Variants in EHBP1 observed in about 807,000 individuals in gnomAD.
EHBP1 encodes the protein EH domain binding protein 1.
A neutral mutation model predicts 144.0 loss-of-function variants in EHBP1; 55 were observed. That is an observed-to-expected ratio of 0.38 (90% CI 0.31 to 0.48). The LOEUF is 0.48. EHBP1 is among the 20% of genes least tolerant of loss of function. The pLI is 0.98. For missense variants in EHBP1, 1,200 were observed against 1,364.2 expected (o/e 0.88, Z 1.90); for synonymous variants, 469 against 472.7 (o/e 0.99, Z 0.10).
chr2:63,030,944 C>A (rs923844165), intron 19 of EHBP1, among the ~76,000 whole-genome samples: 6 of 151,690 alleles, frequency 4.0e-5, no homozygotes, highest in African/African-American at 1.2e-4. Context: ...CACAGGCATG[C>A]GCCACCACAC....
At chr2:62,968,612 A>G (rs555913523) in intron 14 of EHBP1, among the ~76,000 whole-genome samples, 3 of 152,296 alleles carry the variant, frequency 2.0e-5, no homozygotes, top group South Asian at 2.1e-4. Flanking sequence ...TTTGCAGAAC[A>G]CTTTAACACA....
intron 7 of EHBP1, 101 bp from the exon 8 acceptor site, chr2:62,859,068 A>T: frequency 8.9e-7 from 1 of 1,121,588 alleles, no homozygotes; most frequent in South Asian, 1.9e-5. Context: ...TATTATTTGC[A>T]GGTATTATTC....
intron 10 of EHBP1, among the ~76,000 whole-genome samples, chr2:62,929,841 C>T (rs969445358): frequency 6.6e-6 from 1 of 151,602 alleles, no homozygotes; most frequent in Non-Finnish European, 1.5e-5. Flanking sequence ...AAAAAAAAAA[C>T]TGTTGTAACT....
intron 5 of EHBP1, among the ~76,000 whole-genome samples, chr2:62,817,809 G>T (rs1156996836): frequency 6.6e-6 from 1 of 152,014 alleles, no homozygotes; most frequent in East Asian, 1.9e-4. Context: ...TTTATTATAA[G>T]GTTTGTTACT....
intron 10 of EHBP1, among the ~76,000 whole-genome samples, chr2:62,916,697 A>G (rs1385476071): frequency 4.0e-5 from 6 of 149,986 alleles, no homozygotes; most frequent in Non-Finnish European, 8.9e-5. Flanking sequence ...ATTTTTCCAT[A>G]TATATTTATA....
chr2:62,804,133 T>C (rs1007349902), intron 5 of EHBP1, among the ~76,000 whole-genome samples: 10 of 152,192 alleles, frequency 6.6e-5, no homozygotes, highest in Admixed American at 1.3e-4. Context: ...TGTAAAGATG[T>C]GTCACCACAG....
chr2:62,899,065 A>G (rs1046023955), intron 10 of EHBP1, among the ~76,000 whole-genome samples: 3 of 152,238 alleles, frequency 2.0e-5, no homozygotes, highest in African/African-American at 7.2e-5. Context: ...AGAAAAATGC[A>G]AACTATAAGA....
intron 5 of EHBP1, among the ~76,000 whole-genome samples, chr2:62,790,387 T>C (rs1358909824): frequency 6.6e-6 from 1 of 152,178 alleles, no homozygotes; most frequent in Non-Finnish European, 1.5e-5. Context: ...ATTCCAGCAG[T>C]ACCTGTATCA....
intron 10 of EHBP1, among the ~76,000 whole-genome samples, chr2:62,939,638 A>T (rs1450385747): frequency 6.6e-6 from 1 of 152,128 alleles, no homozygotes; most frequent in African/African-American, 2.4e-5. Context: ...GGAGTTAACC[A>T]TGCAGATATC....
chr2:62,965,309 A>G (rs2058195571), intron 14 of EHBP1, among the ~76,000 whole-genome samples: 1 of 152,178 alleles, frequency 6.6e-6, no homozygotes, highest in Non-Finnish European at 1.5e-5. Context: ...AATGTTTAGC[A>G]AGTTTATTTT....
At chr2:62,903,749 G>C (rs2053586163) in intron 10 of EHBP1, among the ~76,000 whole-genome samples, 1 of 150,938 alleles carries the variant, frequency 6.6e-6, no homozygotes, top group Admixed American at 6.6e-5. Flanking sequence ...CTGGCCAATA[G>C]AGTGAGACCC....
chr2:62,767,829 C>CT (rs1199040906), intron 4 of EHBP1, among the ~76,000 whole-genome samples: 1 of 119,160 alleles, frequency 8.4e-6, no homozygotes, highest in Non-Finnish European at 1.8e-5. Flanking sequence ...GAGCAAGACT[C>CT]TGTCAAAAAA....
intron 5 of EHBP1, among the ~76,000 whole-genome samples, chr2:62,817,535 G>A (rs939109025): frequency 1.1e-4 from 17 of 152,130 alleles, no homozygotes; most frequent in Admixed American, 3.9e-4. Context: ...AGGGCCTGTC[G>A]GTCCAGTAAG....
chr2:62,982,180 T>A (rs1235533628), intron 15 of EHBP1, among the ~76,000 whole-genome samples: 1 of 152,202 alleles, frequency 6.6e-6, no homozygotes, highest in Non-Finnish European at 1.5e-5. Flanking sequence ...AATTCAATGA[T>A]TCATATACAT....
intron 2 of EHBP1, among the ~76,000 whole-genome samples, chr2:62,743,221 G>A (rs2038878288): frequency 6.6e-6 from 1 of 152,032 alleles, no homozygotes; most frequent in Admixed American, 6.6e-5. Flanking sequence ...TAGACATACT[G>A]TAATTAGTCC....
chr2:63,005,130 C>T (rs781089528), intron 19 of EHBP1, among the ~76,000 whole-genome samples: 113 of 152,082 alleles, frequency 7.4e-4, no homozygotes, highest in Non-Finnish European at 1.5e-3. Flanking sequence ...GGAGAGTTAT[C>T]TATTTAATCT....
At chr2:62,860,903 A>G (rs1350551152) in intron 8 of EHBP1, among the ~76,000 whole-genome samples, 1 of 152,132 alleles carries the variant, frequency 6.6e-6, no homozygotes, top group African/African-American at 2.4e-5. Context: ...GTATGTGTCA[A>G]CCACTGATCT....
rs368655071 is a variant in EHBP1 at position 62,840,959 on chromosome 2, T to A, written c.634+9801T>A. On this transcript the variant is annotated intron_variant, in intron 7 of 22. Transcript: ENST00000431489. Reference sequence around the variant, plus strand: ...ATTCCTCAGGGATCTAGAACTAGAATTACCATTTGACCCAGCCATCCCATT... The same window carrying A: ...ATTCCTCAGGGATCTAGAACTAGAAATACCATTTGACCCAGCCATCCCATT... Among the ~76,000 whole-genome samples, 179 of 152,128 alleles carry A rather than the reference T, an allele frequency of 1.2e-3. No homozygotes were observed. In the East Asian group the frequency reaches 0.018, roughly 16 times the overall value.
chr2:62,981,576 T>A (rs1241728674), intron 15 of EHBP1, among the ~76,000 whole-genome samples: 2 of 152,204 alleles, frequency 1.3e-5, no homozygotes, highest in Admixed American at 6.5e-5. Context: ...AGCTATACAG[T>A]TGGTCCTATC....
Sources: allele counts gnomAD v4.1 joint callset (sites outside exome capture counted in the v4.1 genomes callset), GRCh38; gene constraint gnomAD v4.1.1; transcripts MANE v1.5; gene names NCBI Gene and HGNC (gene_info 2026-07-23, HGNC 2026-07-21).